Variants in CSMD1 observed in about 807,000 individuals in gnomAD.
CSMD1 encodes CUB and Sushi multiple domains 1.
Under a neutral mutation model 417.5 loss-of-function variants are expected in CSMD1, and 213 were observed. The ratio of observed to expected loss-of-function variants is 0.51; its 90% CI spans 0.46 to 0.57. The LOEUF (loss-of-function observed/expected upper bound fraction) is 0.57. Among genes scored for constraint, CSMD1 ranks in the 20% least tolerant of loss-of-function variants. The probability of loss-of-function intolerance (pLI) is 0.00; values close to 1 mark genes in which losing one functional copy is unlikely to be tolerated. For missense variants in CSMD1, 6,923 were observed against 4,529.7 expected (o/e 1.53, Z -15.17); for synonymous variants, 2,862 against 1,736.8 (o/e 1.65, Z -16.11).
At chr8:4,356,053 C>T (rs1044616801) in intron 3 of CSMD1, among the ~76,000 whole-genome samples, 4 of 152,170 alleles carry the variant, frequency 2.6e-5, no homozygotes, top group Admixed American at 2.0e-4. Context: ...GTGCACTCAT[C>T]ACCTGAGCAG....
chr8:4,468,858 A>C (rs1030054768), intron 2 of CSMD1, among the ~76,000 whole-genome samples: 3 of 152,192 alleles, frequency 2.0e-5, no homozygotes, highest in African/African-American at 7.2e-5. Flanking sequence ...AATTAAGCTA[A>C]TTATAAACTT....
At chr8:3,614,425 C>G (rs1802039199) in intron 8 of CSMD1, among the ~76,000 whole-genome samples, 1 of 152,058 alleles carries the variant, frequency 6.6e-6, no homozygotes. Context: ...AGAAATAAGT[C>G]TGATCTGAGA....
chr8:4,708,567 G>A (rs190715449), intron 1 of CSMD1, among the ~76,000 whole-genome samples: 14 of 152,122 alleles, frequency 9.2e-5, no homozygotes, highest in African/African-American at 3.4e-4. Flanking sequence ...AGGTAATATT[G>A]TATCTTTGAG....
chr8:4,286,049 G>C (rs1041126026), intron 3 of CSMD1, among the ~76,000 whole-genome samples: 2 of 152,128 alleles, frequency 1.3e-5, no homozygotes, highest in Non-Finnish European at 2.9e-5. Context: ...GGAATTTGTA[G>C]TTACATCCCT....
Position 4,532,607 on chromosome 8 carries a change from G to C in CSMD1, c.302+104735C>G, listed in dbSNP as rs181954658. ...TCAGTCACTCTGGAAGAGAAATCCTGCACCGCCATTCAGAGTCACTCTGGA... is the reference window on the plus strand; with the variant it reads ...TCAGTCACTCTGGAAGAGAAATCCTCCACCGCCATTCAGAGTCACTCTGGA... On this transcript the variant is annotated intron_variant, in intron 2 of 69. Transcript: ENST00000635120. 1.7e-3 allele frequency among the ~76,000 whole-genome samples: 224 copies of C among 134,182 alleles called. 2 individuals are homozygous for C. Among genetic ancestry groups the C allele is most frequent in the African/African-American group, 6.1e-3 (207 of 33,902 alleles). 88.0% of individuals were successfully genotyped at this position (134,182 alleles called of 152,430 possible).
In CSMD1 at chr8:3,499,757, C is replaced by A. The variant is rs1043255943; in HGVS notation, c.1345-6031G>T. Reference sequence around the variant, plus strand: ...CACTGAGTGCAGCTGGGGTCATAGTCCTGCATCCTTCTCCTTGGCTGTGGT... The same window carrying A: ...CACTGAGTGCAGCTGGGGTCATAGTACTGCATCCTTCTCCTTGGCTGTGGT... On this transcript the variant is annotated intron_variant, in intron 10 of 69. Transcript: ENST00000635120. Among the ~76,000 whole-genome samples the A allele has an allele frequency of 2.0e-5, 3 of 152,048 alleles. No individual in the cohort carries two copies. In the South Asian group the frequency reaches 6.2e-4, roughly 32 times the overall value.
chr8:4,542,990 T>TTGA (rs1321374571), intron 2 of CSMD1, among the ~76,000 whole-genome samples: 1 of 152,214 alleles, frequency 6.6e-6, no homozygotes, highest in African/African-American at 2.4e-5. Context: ...GTTTTACAAA[T>TTGA]TGATAGTCTA....
intron 5 of CSMD1, among the ~76,000 whole-genome samples, chr8:3,898,329 G>A (rs1049451408): frequency 4.6e-5 from 7 of 151,724 alleles, no homozygotes; most frequent in African/African-American, 1.4e-4. Context: ...CTGATGTTAT[G>A]TGAGCTATGT....
chr8:4,511,044 T>C (rs1802794414), intron 2 of CSMD1, among the ~76,000 whole-genome samples: 1 of 152,108 alleles, frequency 6.6e-6, no homozygotes, highest in South Asian at 2.1e-4. Context: ...TTCTCCCCTC[T>C]CTTGAGCTTT....
intron 2 of CSMD1, among the ~76,000 whole-genome samples, chr8:4,629,376 T>C (rs1802368876): frequency 6.6e-6 from 1 of 152,202 alleles, no homozygotes; most frequent in Non-Finnish European, 1.5e-5. Context: ...TCATACTGCA[T>C]TGTTTTAACT....
intron 3 of CSMD1, among the ~76,000 whole-genome samples, chr8:4,183,988 C>T (rs912970264): frequency 2.0e-5 from 3 of 152,172 alleles, no homozygotes; most frequent in Non-Finnish European, 4.4e-5. Context: ...GAGCCTCCGA[C>T]AGTGTCATAC....
intron 3 of CSMD1, among the ~76,000 whole-genome samples, chr8:4,193,382 C>G: frequency 6.6e-6 from 1 of 152,190 alleles, no homozygotes; most frequent in Admixed American, 6.5e-5. Flanking sequence ...TACTGAGTAT[C>G]AAAATGAATA....
At chr8:2,989,488 T>C (rs1236535171) in intron 54 of CSMD1, among the ~76,000 whole-genome samples, 2 of 152,230 alleles carry the variant, frequency 1.3e-5, no homozygotes, top group Non-Finnish European at 2.9e-5. Flanking sequence ...CTTCATCAGA[T>C]ATATTTGAAA....
intron 6 of CSMD1, among the ~76,000 whole-genome samples, chr8:3,736,317 C>T (rs1362413468): frequency 1.3e-5 from 2 of 152,062 alleles, no homozygotes; most frequent in African/African-American, 4.8e-5. Flanking sequence ...TCACGACTCA[C>T]TGCAGCCTCC....
intron 54 of CSMD1, among the ~76,000 whole-genome samples, chr8:2,991,624 T>TA (rs1353296564): frequency 6.6e-6 from 1 of 152,232 alleles, no homozygotes; most frequent in Non-Finnish European, 1.5e-5. Flanking sequence ...TAAAACTTGT[T>TA]AATTAATTGA....
At chr8:3,793,041 G>A (rs1324218791) in intron 5 of CSMD1, among the ~76,000 whole-genome samples, 2 of 152,120 alleles carry the variant, frequency 1.3e-5, no homozygotes, top group Non-Finnish European at 2.9e-5. Flanking sequence ...ATGGGCGAGT[G>A]CTAAGAATGG....
At chr8:3,047,841 C>T (rs1811560863) in intron 50 of CSMD1, among the ~76,000 whole-genome samples, 1 of 152,186 alleles carries the variant, frequency 6.6e-6, no homozygotes, top group African/African-American at 2.4e-5. Flanking sequence ...AATTCCTCAA[C>T]CCAGCTATGT....
intron 15 of CSMD1, among the ~76,000 whole-genome samples, chr8:3,401,452 A>G (rs1812033499): frequency 6.6e-6 from 1 of 152,192 alleles, no homozygotes; most frequent in Admixed American, 6.5e-5. Flanking sequence ...ATCCTGATGA[A>G]ATAGACACTT....
chr8:4,081,203 T>A (rs139649768), intron 3 of CSMD1, among the ~76,000 whole-genome samples: 4 of 152,318 alleles, frequency 2.6e-5, no homozygotes, highest in African/African-American at 7.2e-5. Flanking sequence ...TTATCCAGTC[T>A]GTGGCGTTTT....
Sources: gnomAD v4.1 joint callset for allele counts (sites outside exome capture counted in the v4.1 genomes callset) on GRCh38, gnomAD v4.1.1 for gene constraint, MANE v1.5 for transcripts, NCBI Gene and HGNC (gene_info 2026-07-23, HGNC 2026-07-21) for gene names.